PCDH9: variants seen among roughly 807,000 people sequenced by gnomAD.
The protein encoded by PCDH9 is protocadherin-9.
In PCDH9, 24 loss-of-function variants were observed where a neutral mutation model predicts 70.6. That is an observed-to-expected ratio of 0.34 (90% CI 0.25 to 0.48). The LOEUF is 0.48. Ranked by LOEUF, PCDH9 falls within the 20% of genes least tolerant of loss-of-function variation. PCDH9 has a pLI of 0.99. For missense variants in PCDH9, 1,281 were observed against 1,503.6 expected (o/e 0.85, Z 2.45); for synonymous variants, 562 against 558.5 (o/e 1.01, Z -0.09).
intron 2 of PCDH9, among the ~76,000 whole-genome samples, chr13:67,010,454 A>G (rs2084432176): frequency 6.6e-6 from 1 of 151,998 alleles, no homozygotes; most frequent in South Asian, 2.1e-4. Context: ...AGCTAACTTC[A>G]CTTAGCTACA....
intron 4 of PCDH9, among the ~76,000 whole-genome samples, chr13:66,485,646 T>C (rs777528868): frequency 2.6e-5 from 4 of 152,184 alleles, no homozygotes; most frequent in Non-Finnish European, 1.5e-5. Context: ...AAGAGACTTA[T>C]GGCAATGCAT....
chr13:66,744,684 C>A (rs2079331055), intron 3 of PCDH9, among the ~76,000 whole-genome samples: 1 of 151,806 alleles, frequency 6.6e-6, no homozygotes, highest in South Asian at 2.1e-4. Context: ...AATATAAACA[C>A]AAGAAAGAAA....
intron 2 of PCDH9, among the ~76,000 whole-genome samples, chr13:67,179,318 T>C (rs1191013509): frequency 6.6e-6 from 1 of 152,134 alleles, no homozygotes; most frequent in Non-Finnish European, 1.5e-5. Context: ...TTTTATTCTT[T>C]TTAATTTAAA....
intron 2 of PCDH9, among the ~76,000 whole-genome samples, chr13:66,932,190 C>A (rs1364002719): frequency 6.6e-6 from 1 of 152,058 alleles, no homozygotes; most frequent in Non-Finnish European, 1.5e-5. Context: ...TCATAGGATG[C>A]AGAAGCCTTG....
chr13:66,324,034 GAGA>G lies in PCDH9; in HGVS notation c.3341-19009_3341-19007del, dbSNP rs137902600. 9.4e-3 allele frequency among the ~76,000 whole-genome samples: 1,426 copies of G among 152,162 alleles called. 43 individuals carry two copies. Among genetic ancestry groups the G allele is most frequent in the African/African-American group, 0.032 (1,339 of 41,462 alleles). ...TATATGCTGTGACTTCACTTTGTAA[GAGA>G]AGAATTCCTTTCTGGCCACAATTTT... On this transcript the variant is annotated intron_variant, in intron 4 of 4. Coordinates refer to ENST00000377865, the MANE Select transcript of PCDH9 (RefSeq NM_203487.3).
chr13:67,188,375 A>G (rs2138009977), intron 2 of PCDH9, among the ~76,000 whole-genome samples: 1 of 152,258 alleles, frequency 6.6e-6, no homozygotes, highest in Admixed American at 6.5e-5. Context: ...ATTTTTTTCA[A>G]AACATATTTT....
chr13:66,593,946 T>A (rs952073543), intron 4 of PCDH9, among the ~76,000 whole-genome samples: 1 of 151,382 alleles, frequency 6.6e-6, no homozygotes, highest in Admixed American at 6.6e-5. Flanking sequence ...AGTTTTTTTA[T>A]AGTCTTTAAT....
intron 4 of PCDH9, among the ~76,000 whole-genome samples, chr13:66,511,559 G>A (rs1461205641): frequency 6.6e-6 from 1 of 152,074 alleles, no homozygotes; most frequent in African/African-American, 2.4e-5. Flanking sequence ...CTGATCTAGT[G>A]TGGATGTTTT....
chr13:66,700,251 C>T (rs2078620576), intron 3 of PCDH9, among the ~76,000 whole-genome samples: 1 of 152,148 alleles, frequency 6.6e-6, no homozygotes. Context: ...GTAAATCAAT[C>T]TAGTCTGCTC....
chr13:66,531,248 T>C (rs543396994), intron 4 of PCDH9, among the ~76,000 whole-genome samples: 2 of 152,204 alleles, frequency 1.3e-5, no homozygotes, highest in East Asian at 1.9e-4. Flanking sequence ...AACTCTCCGA[T>C]AATAGATAGC....
chr13:66,676,708 A>T (rs2078248149), intron 3 of PCDH9, among the ~76,000 whole-genome samples: 1 of 152,120 alleles, frequency 6.6e-6, no homozygotes, highest in Admixed American at 6.6e-5. Context: ...TCTATTGACC[A>T]ATCTCATATC....
chr13:66,701,774 G>C (rs1191741944), intron 3 of PCDH9, among the ~76,000 whole-genome samples: 2 of 152,074 alleles, frequency 1.3e-5, no homozygotes, highest in Admixed American at 1.3e-4. Flanking sequence ...AAGTATAGTA[G>C]TGATTAATCA....
intron 3 of PCDH9, among the ~76,000 whole-genome samples, chr13:66,641,041 AT>A (rs1384089365): frequency 2.0e-5 from 3 of 151,980 alleles, no homozygotes; most frequent in Non-Finnish European, 2.9e-5. Flanking sequence ...CATTCAGCTA[AT>A]TTTTGTATTT....
chr13:67,018,287 AT>A (rs2084602554), intron 2 of PCDH9, among the ~76,000 whole-genome samples: 1 of 152,160 alleles, frequency 6.6e-6, no homozygotes, highest in East Asian at 1.9e-4. Flanking sequence ...ATTGATTAAT[AT>A]TGCATTTTTC....
chr13:66,344,493 C>A (rs946721000), intron 4 of PCDH9, among the ~76,000 whole-genome samples: 7 of 152,092 alleles, frequency 4.6e-5, no homozygotes, highest in Admixed American at 6.5e-5. Flanking sequence ...GTACAACCAG[C>A]TGGATGCAAT....
At chr13:66,563,174 A>C (rs1244212418) in intron 4 of PCDH9, among the ~76,000 whole-genome samples, 1 of 151,906 alleles carries the variant, frequency 6.6e-6, no homozygotes, top group East Asian at 1.9e-4. Flanking sequence ...ACTTTTGTTG[A>C]TTCTTCTCAG....
chr13:66,745,950 C>T (rs908829175), intron 3 of PCDH9, among the ~76,000 whole-genome samples: 2 of 152,106 alleles, frequency 1.3e-5, no homozygotes, highest in African/African-American at 4.8e-5. Flanking sequence ...CTCCCTATCG[C>T]CACCTGTTTA....
intron 2 of PCDH9, among the ~76,000 whole-genome samples, chr13:67,183,535 T>A (rs572010004): frequency 1.3e-5 from 2 of 152,290 alleles, no homozygotes; most frequent in South Asian, 2.1e-4. Context: ...CAGAAAAGTG[T>A]GAATAAAGAC....
intron 3 of PCDH9, among the ~76,000 whole-genome samples, chr13:66,657,230 C>T (rs1256237333): frequency 6.6e-6 from 1 of 152,144 alleles, no homozygotes; most frequent in African/African-American, 2.4e-5. Context: ...TGTGTGCCAT[C>T]ACTTTAGCCT....
Sources: gnomAD v4.1 joint callset for allele counts (sites outside exome capture counted in the v4.1 genomes callset) on GRCh38, gnomAD v4.1.1 for gene constraint, MANE v1.5 for transcripts, NCBI Gene and HGNC (gene_info 2026-07-23, HGNC 2026-07-21) for gene names.